Variants in RFC3 observed in about 807,000 individuals in gnomAD.
The protein encoded by RFC3 is replication factor C subunit 3.
A neutral mutation model predicts 45.1 loss-of-function variants in RFC3; 41 were observed. The ratio of observed to expected loss-of-function variants is 0.91; its 90% CI spans 0.71 to 1.18. The LOEUF is 1.18. Among genes scored for constraint, RFC3 ranks in the 50% most tolerant of loss-of-function variants. The pLI is 0.00. For synonymous variants in RFC3, 149 were observed against 144.0 expected (o/e 1.03, Z -0.25); for missense variants, 423 against 428.1 (o/e 0.99, Z 0.10).
chr13:33,831,161 G>C (rs1221626997), intron 6 of RFC3, 95 bp from the exon 7 acceptor site: 2 of 763,668 alleles, frequency 2.6e-6, no homozygotes, highest in African/African-American at 1.7e-5. Context: ...TGTGCAGCCC[G>C]GTTCCTAACC....
chr13:33,850,094 ATTTTC>A (rs1474329586), intron 8 of RFC3: 1 of 152,100 alleles, frequency 6.6e-6, no homozygotes, highest in Non-Finnish European at 1.5e-5. Context: ...TAACTTCTTG[ATTTTC>A]TTAAAAAATC....
intron 8 of RFC3, among the ~76,000 whole-genome samples, chr13:33,900,460 A>G (rs980752684): frequency 6.6e-6 from 1 of 151,932 alleles, no homozygotes; most frequent in Non-Finnish European, 1.5e-5. Context: ...ATGGTGCTGA[A>G]AAACCTGGTT....
chr13:33,840,089 TTTGTGTGTGTGTTTATC>T (rs1236514522), downstream of RFC3, among the ~76,000 whole-genome samples: 2 of 152,206 alleles, frequency 1.3e-5, no homozygotes, highest in East Asian at 3.8e-4. Context: ...CTTGGTGCGA[TTTGTGTGTGTGTTTATC>T]TTGCTTTACA....
intron 8 of RFC3, among the ~76,000 whole-genome samples, chr13:33,854,644 T>G (rs1566003240): frequency 6.6e-6 from 1 of 152,120 alleles, no homozygotes; most frequent in African/African-American, 2.4e-5. Context: ...TAAGAATGGC[T>G]GCCCCTGAGA....
chr13:33,840,727 C>CT, downstream of RFC3, among the ~76,000 whole-genome samples: 1 of 150,346 alleles, frequency 6.7e-6, no homozygotes, highest in South Asian at 2.1e-4. Flanking sequence ...TTTTTTGAGA[C>CT]TTAATTTGAA....
chr13:33,965,940 GC>G, intron 8 of RFC3: 1 of 623,462 alleles, frequency 1.6e-6, no homozygotes. Context: ...ACTTGTCTTT[GC>G]CTTATTTTCT....
At chr13:33,899,724 A>C (rs1223479388) in intron 8 of RFC3, among the ~76,000 whole-genome samples, 1 of 151,962 alleles carries the variant, frequency 6.6e-6, no homozygotes, top group Non-Finnish European at 1.5e-5. Flanking sequence ...CCTAATTGGG[A>C]AAAAGAAGTT....
At chr13:33,939,835 G>A (rs1321444868) in intron 8 of RFC3, among the ~76,000 whole-genome samples, 1 of 152,094 alleles carries the variant, frequency 6.6e-6, no homozygotes, top group Non-Finnish European at 1.5e-5. Flanking sequence ...TAGGTTGTTG[G>A]TGTCAGAGAA....
At chr13:33,872,627 G>T (rs1201112717) in intron 8 of RFC3, among the ~76,000 whole-genome samples, 2 of 152,290 alleles carry the variant, frequency 1.3e-5, no homozygotes, top group Admixed American at 6.5e-5. Context: ...CAGCTACTCG[G>T]GAGGCTGAGG....
intron 8 of RFC3, among the ~76,000 whole-genome samples, chr13:33,899,702 A>G (rs2082627312): frequency 6.6e-6 from 1 of 151,988 alleles, no homozygotes. Context: ...AAGAGAAAAA[A>G]ATAAAGAGCA....
At chr13:33,828,933 C>G (rs1237692501) in intron 4 of RFC3, among the ~76,000 whole-genome samples, 2 of 152,156 alleles carry the variant, frequency 1.3e-5, no homozygotes. Context: ...AAATCTTCCT[C>G]CCACACCGTT....
At chr13:33,840,509 T>C (rs1411203744), downstream of RFC3, among the ~76,000 whole-genome samples, 1 of 152,162 alleles carries the variant, frequency 6.6e-6, no homozygotes, top group Non-Finnish European at 1.5e-5. Flanking sequence ...CCTTTTTGTA[T>C]GTGCATTAAT....
chr13:33,896,191 T>C lies in RFC3; in HGVS notation c.879+60974T>C, dbSNP rs181132685. On this transcript the variant is annotated intron_variant, in intron 8 of 8. Coordinates refer to the RFC3 transcript ENST00000434425. ...AATATATATATATGTATATATATAA[T>C]TTTAAAAAAGGATTGATTGCAAAAG... Among the ~76,000 whole-genome samples the C allele has an allele frequency of 2.0e-3, 308 of 151,268 alleles. 1 individual carries two copies. Among genetic ancestry groups the C allele is most frequent in the African/African-American group, 7.2e-3 (299 of 41,346 alleles).
intron 8 of RFC3, among the ~76,000 whole-genome samples, chr13:33,924,990 TTAAC>T (rs1482747372): frequency 6.7e-6 from 1 of 150,158 alleles, no homozygotes; most frequent in East Asian, 2.0e-4. Flanking sequence ...GATAAATGTG[TTAAC>T]TAACTTAATT....
chr13:33,951,301 C>T (rs9598370), intron 8 of RFC3, among the ~76,000 whole-genome samples: 2,266 of 149,950 alleles, frequency 0.015, 65 homozygotes, highest in African/African-American at 0.053. Context: ...GGCGCGATCT[C>T]GGGTCACTGC....
chr13:33,936,657 T>C (rs1000949875), intron 8 of RFC3, among the ~76,000 whole-genome samples: 1 of 152,026 alleles, frequency 6.6e-6, no homozygotes, highest in African/African-American at 2.4e-5. Context: ...TGCTAGCAAA[T>C]TACCAGAAGC....
chr13:33,927,847 G>T (rs1329360257), intron 8 of RFC3, among the ~76,000 whole-genome samples: 2 of 152,046 alleles, frequency 1.3e-5, no homozygotes, highest in African/African-American at 4.8e-5. Flanking sequence ...ATCAGCAGTG[G>T]GTGGCCCTAT....
At chr13:33,834,302 A>AT (rs1165929081) in intron 7 of RFC3, among the ~76,000 whole-genome samples, 343 of 13,470 alleles carry the variant, frequency 0.025, 1 homozygote, top group African/African-American at 0.039. Context: ...CTGTGTGTAT[A>AT]TATATATATA....
In RFC3 at chr13:33,936,116, C is replaced by G. The variant is rs567169721; in HGVS notation, c.880-29971C>G. ...TGCAGGTGAAGGAGGCAGGAAGAAG[C>G]AGAAAGCCTTGGTCTTATGCATACT... On this transcript the variant is annotated intron_variant, in intron 8 of 8. Transcript: ENST00000434425. Among the ~76,000 whole-genome samples, 192 of 152,208 alleles carry G rather than the reference C, an allele frequency of 1.3e-3. 1 individual carries two copies. The highest frequency in any genetic ancestry group is 2.0e-3 in the Non-Finnish European group (134 of 67,998).
Sources: allele counts gnomAD v4.1 joint callset (sites outside exome capture counted in the v4.1 genomes callset), GRCh38; gene constraint gnomAD v4.1.1; transcripts MANE v1.5; gene names NCBI Gene and HGNC (gene_info 2026-07-23, HGNC 2026-07-21).